The following TMEM65 variants were observed in gnomAD, a reference collection of about 807,000 sequenced individuals.
TMEM65 encodes transmembrane protein 65.
TMEM65 carries 22 observed loss-of-function variants against 25.4 expected under a neutral mutation model. The ratio of observed to expected loss-of-function variants is 0.86; its 90% CI spans 0.62 to 1.23. TMEM65 has a LOEUF of 1.23. TMEM65 is among the 50% of genes most tolerant of loss of function. TMEM65 has a pLI of 0.00. For synonymous variants in TMEM65, 132 were observed against 126.2 expected, an observed-to-expected ratio of 1.05 and a Z score of -0.31; for missense variants, 262 against 308.2, an observed-to-expected ratio of 0.85 and a Z score of 1.12.
Position 124,323,228 on chromosome 8 carries a change from CTCAT to C in TMEM65, c.472+89_472+92del, listed in dbSNP as rs991279744. The C allele has an allele frequency of 6.0e-5, 41 of 682,210 alleles. No homozygotes were observed. In the African/African-American group the frequency reaches 7.4e-4, roughly 12 times the overall value. The allele number at this position is 682,210 out of a possible 1,614,324, so 42.3% of individuals were successfully genotyped here. ...ATTAACAGATATCTCAATGAGTAAA[CTCAT>C]TCAAATAAATTACCCTCCTCTAAAC... On this transcript the variant is annotated intron_variant, in intron 4 of 6. Transcript: ENST00000297632.
intron 1 of TMEM65, among the ~76,000 whole-genome samples, chr8:124,346,112 G>A (rs750836173): frequency 5.9e-5 from 9 of 152,218 alleles, no homozygotes; most frequent in African/African-American, 1.2e-4. Flanking sequence ...TTAAAATCGT[G>A]GCAGAGGGTG....
At chr8:124,328,068 C>T (rs999696915) in intron 2 of TMEM65, among the ~76,000 whole-genome samples, 2 of 152,028 alleles carry the variant, frequency 1.3e-5, no homozygotes, top group Admixed American at 1.3e-4. Flanking sequence ...CCTCTTGCTA[C>T]CAAAAACACA....
intron 1 of TMEM65, among the ~76,000 whole-genome samples, chr8:124,333,376 T>C (rs1170016391): frequency 1.3e-5 from 2 of 151,754 alleles, no homozygotes; most frequent in Non-Finnish European, 2.9e-5. Context: ...TATAATAAAC[T>C]ATCTACACTT....
chr8:124,368,276 C>A (rs1814967179), intron 1 of TMEM65, among the ~76,000 whole-genome samples: 1 of 151,136 alleles, frequency 6.6e-6, no homozygotes, highest in African/African-American at 2.4e-5. Context: ...CAAAAATATT[C>A]CCTAAGAGGC....
chr8:124,338,744 C>T (rs1042957796), intron 1 of TMEM65, among the ~76,000 whole-genome samples: 1 of 152,144 alleles, frequency 6.6e-6, no homozygotes, highest in Non-Finnish European at 1.5e-5. Flanking sequence ...TTAACAAAAG[C>T]ATCTAAAATA....
At position 124,372,193 on chromosome 8, in the gene TMEM65, G is replaced by T. The variant is rs775637059; in HGVS notation, c.-36C>A. On this transcript the variant is annotated 5_prime_UTR_variant, in exon 1 of 7. Coordinates refer to ENST00000297632, the MANE Select transcript of TMEM65 (RefSeq NM_194291.3). Reference sequence around the variant, plus strand: ...GGAGCTGGGACCCCCGCGGCCGTCCGGCAAGGCGGTTTCTGGCGCGGCTGA... The same window carrying T: ...GGAGCTGGGACCCCCGCGGCCGTCCTGCAAGGCGGTTTCTGGCGCGGCTGA... The T allele has an allele frequency of 8.0e-7, 1 of 1,255,676 alleles. No individual in the cohort carries two copies. The highest frequency in any genetic ancestry group is 1.0e-6 in the Non-Finnish European group (1 of 993,154). 77.8% of individuals were successfully genotyped at this position (1,255,676 alleles called of 1,614,324 possible). A position where few individuals can be genotyped will look rare whatever the true frequency, so the allele number is the denominator to read the frequency against.
rs116925500 is a variant in TMEM65, at chr8:124,370,947, A to C, written c.304+907T>G. On this transcript the variant is annotated intron_variant, in intron 1 of 6. Coordinates refer to ENST00000297632, the MANE Select transcript of TMEM65 (RefSeq NM_194291.3). ...TTACATAACTGTATTTAAGTGGCAGAAATATTTTAAGACATCCATTTTAGT... is the reference window on the plus strand; with the variant it reads ...TTACATAACTGTATTTAAGTGGCAGCAATATTTTAAGACATCCATTTTAGT... Among the ~76,000 whole-genome samples the C allele has an allele frequency of 6.2e-3, 946 of 152,356 alleles. 11 individuals carry two copies. The highest frequency in any genetic ancestry group is 0.02 in the African/African-American group (850 of 41,582).
intron 1 of TMEM65, among the ~76,000 whole-genome samples, chr8:124,334,947 C>A (rs1053223092): frequency 5.3e-5 from 8 of 151,652 alleles, no homozygotes; most frequent in Non-Finnish European, 1.0e-4. Context: ...TCTCAGGGAC[C>A]AATGGCTAAA....
chr8:124,361,572 ACCTGT>A (rs947627909), intron 1 of TMEM65, among the ~76,000 whole-genome samples: 13 of 151,760 alleles, frequency 8.6e-5, no homozygotes, highest in Non-Finnish European at 1.3e-4. Context: ...GGTGGCTCAC[ACCTGT>A]GATCCCAGCA....
At chr8:124,367,160 C>G (rs1814949187) in intron 1 of TMEM65, among the ~76,000 whole-genome samples, 1 of 152,146 alleles carries the variant, frequency 6.6e-6, no homozygotes, top group Non-Finnish European at 1.5e-5. Flanking sequence ...CAATCCATTC[C>G]AGAGGCTCAT....
At chr8:124,333,470 C>CGTGTGTGTGTGT (rs10660640) in intron 1 of TMEM65, among the ~76,000 whole-genome samples, 2 of 149,138 alleles carry the variant, frequency 1.3e-5, no homozygotes, top group Non-Finnish European at 3.0e-5. Flanking sequence ...TGTGTGTGTG[C>CGTGTGTGTGTGT]GTGTGTGTGT....
rs2131186164 is a variant in TMEM65, at chr8:124,306,688, C to A, written c.*7272G>T. The stretch of plus-strand genomic sequence containing the variant: ...AATTGGCCGGGCGCAGTGGCTCACG[C>A]CTGTAATCCCAACACTTCAGGAGGC... On this transcript the variant is annotated 3_prime_UTR_variant, in exon 7 of 7. Coordinates refer to ENST00000297632, the MANE Select transcript of TMEM65 (RefSeq NM_194291.3). 6.6e-6 allele frequency: 1 copy of A among 152,320 alleles called. No individual in the cohort carries two copies. Among genetic ancestry groups the A allele is most frequent in the South Asian group, 2.1e-4 (1 of 4,816 alleles). 9.4% of individuals were successfully genotyped at this position (152,320 alleles called of 1,614,324 possible). A position where few individuals can be genotyped will look rare whatever the true frequency, so the allele number is the denominator to read the frequency against.
chr8:124,329,814 C>T (rs1458285523), intron 2 of TMEM65, among the ~76,000 whole-genome samples: 1 of 151,654 alleles, frequency 6.6e-6, no homozygotes, highest in Non-Finnish European at 1.5e-5. Flanking sequence ...ATACCACCTA[C>T]AAAAAATGAT....
At chr8:124,366,037 C>T (rs2131231930) in intron 1 of TMEM65, among the ~76,000 whole-genome samples, 1 of 152,176 alleles carries the variant, frequency 6.6e-6, no homozygotes, top group South Asian at 2.1e-4. Flanking sequence ...CCTGGCCAAC[C>T]TGGCAAAACC....
chr8:124,334,338 T>C (rs1814475329), intron 1 of TMEM65, among the ~76,000 whole-genome samples: 3 of 152,132 alleles, frequency 2.0e-5, no homozygotes. Context: ...GCAATTAAAA[T>C]TGTATTCAAA....
intron 1 of TMEM65, among the ~76,000 whole-genome samples, chr8:124,361,663 G>A (rs564903656): frequency 5.1e-4 from 77 of 150,648 alleles, no homozygotes; most frequent in African/African-American, 1.6e-3. Context: ...TGAAAACCCC[G>A]TCTCTATTTA....
intron 1 of TMEM65, among the ~76,000 whole-genome samples, chr8:124,344,992 A>G (rs1305760609): frequency 2.6e-5 from 4 of 152,184 alleles, no homozygotes; most frequent in East Asian, 1.9e-4. Flanking sequence ...ATTTTGGTCA[A>G]TCTCTCAAAA....
chr8:124,308,047 G>A lies in TMEM65; in HGVS notation c.*5913C>T, dbSNP rs1230564550. The A allele has an allele frequency of 1.3e-5, 2 of 152,112 alleles. No homozygotes were observed. The highest frequency in any genetic ancestry group is 2.9e-5 in the Non-Finnish European group (2 of 68,010). 9.4% of individuals were successfully genotyped at this position (152,112 alleles called of 1,614,324 possible). On this transcript the variant is annotated 3_prime_UTR_variant, in exon 7 of 7. Transcript: ENST00000297632. Reference sequence around the variant, plus strand: ...TAACTCCCAAGTCTTGAAGGGAAAAGATAAACACCAGCTGCCAGTCTTCTG... The same window carrying A: ...TAACTCCCAAGTCTTGAAGGGAAAAAATAAACACCAGCTGCCAGTCTTCTG...
intron 1 of TMEM65, among the ~76,000 whole-genome samples, chr8:124,365,768 G>A (rs1360242242): frequency 6.6e-6 from 1 of 152,142 alleles, no homozygotes; most frequent in African/African-American, 2.4e-5. Flanking sequence ...GATGAAAGAA[G>A]CAAAGAATAC....
Sources: gnomAD v4.1 joint callset for allele counts (sites outside exome capture counted in the v4.1 genomes callset) on GRCh38, gnomAD v4.1.1 for gene constraint, MANE v1.5 for transcripts, NCBI Gene and HGNC (gene_info 2026-07-23, HGNC 2026-07-21) for gene names.